Variants in KMT2C observed in about 807,000 individuals in gnomAD.
The protein encoded by KMT2C is histone-lysine N-methyltransferase 2C.
A neutral mutation model predicts 507.9 loss-of-function variants in KMT2C; 88 were observed. The ratio of observed to expected loss-of-function variants is 0.17; its 90% CI spans 0.15 to 0.21. The LOEUF is 0.21. Among genes scored for constraint, KMT2C ranks in the 10% least tolerant of loss-of-function variants. KMT2C has a pLI of 1.00. For missense variants in KMT2C, 4,954 were observed against 5,957.8 expected (o/e 0.83, Z 5.55); for synonymous variants, 2,049 against 2,080.8 (o/e 0.98, Z 0.42).
rs1022857427 is a variant in KMT2C at position 152,176,366 on chromosome 7, T to C, written c.9087A>G (p.Gln3029=). The part of the protein sequence containing the change: ...QSGTSSMSGP[Q]QLMIPQTLAQ... ...CTAATGTTTGAGGAATCATTAGCTGTTGGGGTCCAGACATGCTACTGGTAC... is the reference window on the plus strand; with the variant it reads ...CTAATGTTTGAGGAATCATTAGCTGCTGGGGTCCAGACATGCTACTGGTAC... The change falls in exon 38 of 59, where the codon CAA becomes CAG. Residue 3029 remains glutamine, a synonymous_variant. Transcript: ENST00000262189. 5 of 1,614,042 alleles carry C rather than the reference T, an allele frequency of 3.1e-6. No individual in the cohort carries two copies. Among genetic ancestry groups the C allele is most frequent in the African/African-American group, 2.7e-5 (2 of 74,924 alleles).
At chr7:152,192,531 A>T (rs1237885271) in intron 31 of KMT2C, among the ~76,000 whole-genome samples, 2 of 151,600 alleles carry the variant, frequency 1.3e-5, no homozygotes, top group African/African-American at 4.9e-5. Flanking sequence ...AAGGTGTGAG[A>T]CTCTGTCTCA....
intron 1 of KMT2C, among the ~76,000 whole-genome samples, chr7:152,384,451 T>C (rs891706913): frequency 2.0e-5 from 3 of 152,064 alleles, no homozygotes; most frequent in Admixed American, 1.3e-4. Flanking sequence ...AATAGCAAAC[T>C]GCTACTCAAC....
chr7:152,251,037 G>C, intron 11 of KMT2C, 71 bp from the exon 12 acceptor site: 2 of 837,402 alleles, frequency 2.4e-6, no homozygotes. Context: ...CAACAATTAT[G>C]ATTTTGTATG....
intron 15 of KMT2C, among the ~76,000 whole-genome samples, chr7:152,238,382 C>A (rs2095324198): frequency 6.6e-6 from 1 of 151,990 alleles, no homozygotes. Context: ...GGAGCTTTTT[C>A]TTTTGCTTTT....
intron 1 of KMT2C, among the ~76,000 whole-genome samples, chr7:152,435,217 G>C (rs1297101759): frequency 1.3e-5 from 2 of 151,986 alleles, no homozygotes; most frequent in South Asian, 2.1e-4. Flanking sequence ...AGTTTCCCGA[G>C]CGCCGACGGC....
At chr7:152,287,913 A>G (rs1157967784) in intron 6 of KMT2C, among the ~76,000 whole-genome samples, 1 of 150,804 alleles carries the variant, frequency 6.6e-6, no homozygotes, top group Non-Finnish European at 1.5e-5. Flanking sequence ...GATTCCAGCT[A>G]CTCAGGAGGC....
intron 6 of KMT2C, among the ~76,000 whole-genome samples, chr7:152,309,242 G>A (rs1203472934): frequency 2.7e-5 from 4 of 150,852 alleles, no homozygotes; most frequent in Admixed American, 6.6e-5. Context: ...TAATTTAAAT[G>A]TAAACTACTT....
At chr7:152,373,752 AATT>A (rs1384511072) in intron 1 of KMT2C, among the ~76,000 whole-genome samples, 1 of 152,178 alleles carries the variant, frequency 6.6e-6, no homozygotes, top group African/African-American at 2.4e-5. Flanking sequence ...CAGTAGAAAT[AATT>A]ATTCTACTGT....
At chr7:152,350,538 T>C (rs2097102422) in intron 2 of KMT2C, among the ~76,000 whole-genome samples, 1 of 152,140 alleles carries the variant, frequency 6.6e-6, no homozygotes, top group Non-Finnish European at 1.5e-5. Context: ...AACACAACAG[T>C]CAAGTATTTG....
At position 152,411,403 on chromosome 7, in the gene KMT2C, G is replaced by A. The variant is rs557068769; in HGVS notation, c.161+24223C>T. ...GGCAGGGCCCACACAAGAAAAAAAA[G>A]AGCATTTTATTTCGTGCAACTTTTA... On this transcript the variant is annotated intron_variant, in intron 1 of 58. Coordinates refer to ENST00000262189, the MANE Select transcript of KMT2C (RefSeq NM_170606.3). Among the ~76,000 whole-genome samples the A allele has an allele frequency of 4.8e-4, 72 of 151,260 alleles. No homozygotes were observed. In the South Asian group the frequency reaches 5.2e-3, roughly 11 times the overall value.
intron 13 of KMT2C, 40 bp from the exon 14 acceptor site, chr7:152,248,660 A>C (rs879243755): frequency 1.5e-6 from 2 of 1,312,510 alleles, no homozygotes; most frequent in African/African-American, 3.0e-5. Flanking sequence ...ATGTACAAAC[A>C]AATTTTAAAT....
chr7:152,165,865 T>C (rs1008136760), intron 42 of KMT2C, among the ~76,000 whole-genome samples: 3 of 152,132 alleles, frequency 2.0e-5, no homozygotes, highest in African/African-American at 4.8e-5. Flanking sequence ...ACTTCTTGTA[T>C]TTTTAGTAGA....
At chr7:152,414,931 C>T (rs1448252768) in intron 1 of KMT2C, among the ~76,000 whole-genome samples, 3 of 151,928 alleles carry the variant, frequency 2.0e-5, no homozygotes, top group Non-Finnish European at 4.4e-5. Flanking sequence ...TCACTACAGC[C>T]TCAATCTCCA....
In KMT2C at chr7:152,163,178, C is replaced by G; in HGVS notation, c.10399G>C (p.Gly3467Arg). 6.2e-7 allele frequency: 1 copy of G among 1,614,086 alleles called. No individual in the cohort carries two copies. Among genetic ancestry groups the G allele is most frequent in the East Asian group, 2.2e-5 (1 of 44,878 alleles). The stretch of plus-strand genomic sequence containing the variant: ...TGTTGTGGAGACTGCTGAAGGGGTC[C>G]TAGAGGTTGCATAAAATCACAAGGT... ...DLPCDFMQPL[G>R]PLQQSPQHQQ... The change falls in exon 43 of 59, where the codon GGA becomes CGA. Residue 3467 changes from glycine (G) to arginine (R), a missense_variant. Physicochemically the swap from Gly to Arg is moderately radical, Grantham distance 125. Transcript: ENST00000262189.
chr7:152,413,937 C>T (rs959946043), intron 1 of KMT2C, among the ~76,000 whole-genome samples: 8 of 150,734 alleles, frequency 5.3e-5, no homozygotes, highest in African/African-American at 1.5e-4. Context: ...TGAGGCCAGA[C>T]GCGATGGCTC....
At chr7:152,220,779 T>C (rs759863003) in intron 22 of KMT2C, 44 bp from the exon 23 acceptor site, 2 of 1,461,650 alleles carry the variant, frequency 1.4e-6, no homozygotes, top group South Asian at 2.3e-5. Flanking sequence ...AACTTTCATT[T>C]CAAATTTGAC....
intron 1 of KMT2C, among the ~76,000 whole-genome samples, chr7:152,364,816 G>A (rs1012417911): frequency 1.3e-5 from 2 of 151,446 alleles, no homozygotes; most frequent in African/African-American, 4.8e-5. Flanking sequence ...TATGTGTGAG[G>A]TTGGGGTTAA....
At chr7:152,422,633 G>T (rs945826688) in intron 1 of KMT2C, among the ~76,000 whole-genome samples, 4 of 152,202 alleles carry the variant, frequency 2.6e-5, no homozygotes, top group South Asian at 2.1e-4. Flanking sequence ...GCTCAAAGTG[G>T]TAAAGACTAT....
chr7:152,161,067 G>C (rs1242291847), intron 43 of KMT2C, among the ~76,000 whole-genome samples: 1 of 152,190 alleles, frequency 6.6e-6, no homozygotes, highest in Non-Finnish European at 1.5e-5. Flanking sequence ...ACAGAAGGCT[G>C]CAAGTTATTC....
Sources: gnomAD v4.1 joint callset for allele counts (sites outside exome capture counted in the v4.1 genomes callset) on GRCh38, gnomAD v4.1.1 for gene constraint, MANE v1.5 for transcripts, NCBI Gene and HGNC (gene_info 2026-07-23, HGNC 2026-07-21) for gene names.